CEP112: variants seen among roughly 807,000 people sequenced by gnomAD.
CEP112 encodes the protein centrosomal protein of 112 kDa.
CEP112 carries 127 observed loss-of-function variants against 153.0 expected under a neutral mutation model. That is an observed-to-expected ratio of 0.83 (90% confidence interval 0.72 to 0.96). The LOEUF is 0.96. CEP112 is among the 40% of genes least tolerant of loss of function. The pLI, the probability that CEP112 is intolerant of heterozygous loss-of-function variation, is 0.00. For synonymous variants in CEP112, 358 were observed against 374.4 expected, an observed-to-expected ratio of 0.96 and a Z score of 0.51; for missense variants, 1,089 against 1,101.2, an observed-to-expected ratio of 0.99 and a Z score of 0.16.
At chr17:65,870,021 GAAA>G (rs1229865925) in intron 20 of CEP112, among the ~76,000 whole-genome samples, 1 of 45,866 alleles carries the variant, frequency 2.2e-5, no homozygotes, top group African/African-American at 6.6e-5. Flanking sequence ...GAATAAGAAA[GAAA>G]GAAAGAAAGA....
At chr17:65,666,790 T>G (rs1215149454) in intron 24 of CEP112, among the ~76,000 whole-genome samples, 1 of 152,122 alleles carries the variant, frequency 6.6e-6, no homozygotes, top group African/African-American at 2.4e-5. Flanking sequence ...AAAAAACACT[T>G]CACTTTTGAG....
At chr17:65,800,284 G>A (rs537185367) in intron 21 of CEP112, among the ~76,000 whole-genome samples, 30 of 151,512 alleles carry the variant, frequency 2.0e-4, no homozygotes, top group Non-Finnish European at 2.8e-4. Context: ...CATTTCCCTC[G>A]ACTGAAACTC....
chr17:65,948,800 ATT>A (rs996989055), intron 18 of CEP112, among the ~76,000 whole-genome samples: 2 of 151,902 alleles, frequency 1.3e-5, no homozygotes, highest in African/African-American at 4.8e-5. Flanking sequence ...AGTCTGTTAC[ATT>A]TTGTCTCATG....
At chr17:66,051,280 TTGTG>T (rs1354730475) in intron 12 of CEP112, among the ~76,000 whole-genome samples, 1 of 151,526 alleles carries the variant, frequency 6.6e-6, no homozygotes, top group Non-Finnish European at 1.5e-5. Flanking sequence ...TCTTTTTCGT[TTGTG>T]TGTCTCTCTT....
intron 17 of CEP112, 79 bp from the exon 18 acceptor site, chr17:65,961,677 C>A: frequency 7.7e-7 from 1 of 1,291,572 alleles, no homozygotes; most frequent in Non-Finnish European, 1.0e-6. Flanking sequence ...TTAACCCCCT[C>A]TAAAATAAAA....
intron 21 of CEP112, among the ~76,000 whole-genome samples, chr17:65,795,121 A>C (rs1038805927): frequency 6.6e-6 from 1 of 152,232 alleles, no homozygotes; most frequent in Non-Finnish European, 1.5e-5. Context: ...TATAGATGGC[A>C]ACACTGTCAC....
intron 16 of CEP112, among the ~76,000 whole-genome samples, chr17:66,020,101 T>C (rs1271216857): frequency 1.3e-5 from 2 of 152,118 alleles, no homozygotes; most frequent in African/African-American, 2.4e-5. Flanking sequence ...TACCAGGATA[T>C]CAGGAAGAGG....
At chr17:65,678,469 T>A (rs2047343481) in intron 24 of CEP112, among the ~76,000 whole-genome samples, 1 of 152,206 alleles carries the variant, frequency 6.6e-6, no homozygotes, top group Non-Finnish European at 1.5e-5. Context: ...ATCGAAAACA[T>A]AATTTTTAAT....
chr17:66,119,508 CAATAT>C (rs775909298), intron 6 of CEP112, among the ~76,000 whole-genome samples: 154 of 152,244 alleles, frequency 1.0e-3, no homozygotes, highest in Non-Finnish European at 1.5e-3. Flanking sequence ...TTCTTCCATT[CAATAT>C]AATATATTTG....
chr17:65,946,165 T>C (rs1041525773), intron 18 of CEP112, among the ~76,000 whole-genome samples: 2 of 152,226 alleles, frequency 1.3e-5, no homozygotes, highest in South Asian at 2.1e-4. Context: ...TTTTGATGAA[T>C]AGAAGTTCTT....
intron 18 of CEP112, chr17:65,941,639 G>A (rs1473501628): frequency 2.6e-5 from 4 of 152,132 alleles, no homozygotes; most frequent in South Asian, 2.1e-4. Context: ...TAAAGGAAAC[G>A]TCTTTATTGT....
At chr17:65,766,699 G>A (rs8067091) in intron 21 of CEP112, among the ~76,000 whole-genome samples, 106 of 117,572 alleles carry the variant, frequency 9.0e-4, no homozygotes, top group South Asian at 1.6e-3. Context: ...GCTATTGCAC[G>A]CAAATGGTAA....
intron 6 of CEP112, among the ~76,000 whole-genome samples, chr17:66,098,838 A>G (rs2068449500): frequency 6.6e-6 from 1 of 152,228 alleles, no homozygotes; most frequent in African/African-American, 2.4e-5. Flanking sequence ...ATTAACATGT[A>G]GGTGGCCAAA....
intron 16 of CEP112, among the ~76,000 whole-genome samples, chr17:66,018,423 G>A (rs937682392): frequency 1.3e-5 from 2 of 152,272 alleles, no homozygotes; most frequent in Non-Finnish European, 2.9e-5. Flanking sequence ...AGACACCATA[G>A]CATAGTAAAG....
intron 20 of CEP112, among the ~76,000 whole-genome samples, chr17:65,876,655 C>T (rs934049156): frequency 6.6e-6 from 1 of 152,068 alleles, no homozygotes; most frequent in Non-Finnish European, 1.5e-5. Context: ...GTAGCTAATT[C>T]CTCCACTACA....
chr17:65,703,523 GA>G (rs35175056), intron 23 of CEP112, among the ~76,000 whole-genome samples: 42,330 of 125,492 alleles, frequency 0.34, 6,916 homozygotes, highest in Middle Eastern at 0.5. Context: ...AAAAAAGAAG[GA>G]AAAAAAAAAA....
chr17:65,902,768 C>T (rs934645367), intron 19 of CEP112, among the ~76,000 whole-genome samples: 23 of 151,970 alleles, frequency 1.5e-4, no homozygotes, highest in Admixed American at 1.5e-3. Context: ...AAATATGCAT[C>T]TGGATTCTTG....
intron 20 of CEP112, among the ~76,000 whole-genome samples, chr17:65,893,191 TGCA>T (rs2059535602): frequency 6.6e-6 from 1 of 151,992 alleles, no homozygotes; most frequent in Admixed American, 6.6e-5. Flanking sequence ...TCGAGACTAG[TGCA>T]GCATTACAAC....
chr17:65,650,800 AG>A (rs1255234064), intron 24 of CEP112, among the ~76,000 whole-genome samples: 1 of 151,020 alleles, frequency 6.6e-6, no homozygotes, highest in Non-Finnish European at 1.5e-5. Context: ...CCAGCTACTC[AG>A]GGAGGCTGAC....
Sources: gnomAD v4.1 joint callset for allele counts (sites outside exome capture counted in the v4.1 genomes callset) on GRCh38, gnomAD v4.1.1 for gene constraint, MANE v1.5 for transcripts, NCBI Gene and HGNC (gene_info 2026-07-23, HGNC 2026-07-21) for gene names.